BRME1: variants seen among roughly 807,000 people sequenced by gnomAD.
The protein encoded by BRME1 is break repair meiotic recombinase recruitment factor 1, also known as BRCA2 and MEILB2-associating protein 1.
In BRME1, 31 loss-of-function variants were observed where a neutral mutation model predicts 52.6. The ratio of observed to expected loss-of-function variants is 0.59; its 90% CI spans 0.44 to 0.80. The LOEUF (loss-of-function observed/expected upper bound fraction) is 0.80. BRME1 is among the 30% of genes least tolerant of loss of function. The probability of loss-of-function intolerance (pLI) is 0.00; values close to 1 mark genes in which losing one functional copy is unlikely to be tolerated. For missense variants in BRME1, 804 were observed against 860.3 expected, an observed-to-expected ratio of 0.93 and a Z score of 0.82; for synonymous variants, 359 against 353.6, an observed-to-expected ratio of 1.02 and a Z score of -0.17.
rs753230986 is a variant in BRME1 at position 13,889,214 on chromosome 19, A to G, written c.1642T>C (p.Ser548Pro). ...TGCTCAGGTGGGGCTTCGAAGTCAG[A>G]GGCGTCCAGGGCATCCTGTATCTGG... ...DSQIQDALDA[S>P]DFEAPPEQLF... The change falls in exon 6 of 9, where the codon TCT (serine) becomes CCT (proline). Residue 548 changes from serine to proline, a missense_variant. This residue lies in a region of BRME1 where 552 missense variants were observed against 561.1 expected (regional missense o/e 0.98). Transcript: ENST00000586783. The G allele has an allele frequency of 1.2e-6, 2 of 1,600,040 alleles. No homozygotes were observed. Among genetic ancestry groups the G allele is most frequent in the South Asian group, 2.2e-5 (2 of 89,392 alleles).
chr19:13,884,969 T>A (rs1222366557), intron 7 of BRME1: 2 of 152,174 alleles, frequency 1.3e-5, no homozygotes, highest in Non-Finnish European at 2.9e-5. Flanking sequence ...GGGAGCTGCA[T>A]TGGCCCTGGG....
At position 13,883,634 on chromosome 19, in the gene BRME1, C is replaced by T. The variant is rs991216085; in HGVS notation, c.1764-234G>A. ...TGCCCTCTCAGGACGCTGCTGCCACCGCCTCCCTATCTCCTGCCCCTGTGG... is the reference window on the plus strand; with the variant it reads ...TGCCCTCTCAGGACGCTGCTGCCACTGCCTCCCTATCTCCTGCCCCTGTGG... On this transcript the variant is annotated intron_variant, in intron 7 of 8. Coordinates refer to ENST00000586783, the MANE Select transcript of BRME1 (RefSeq NM_001345843.2). The surrounding 1 kb of genome is among the most constrained non-coding windows in gnomAD (Gnocchi z 4.2). 1.9e-5 allele frequency: 9 copies of T among 486,202 alleles called. No homozygotes were observed. Among genetic ancestry groups the T allele is most frequent in the Admixed American group, 7.0e-5 (2 of 28,668 alleles). The allele number at this position is 486,202 out of a possible 1,614,324, so 30.1% of individuals were successfully genotyped here.
intron 5 of BRME1, among the ~76,000 whole-genome samples, chr19:13,892,087 T>A (rs1379568033): frequency 7.6e-6 from 1 of 131,692 alleles, no homozygotes; most frequent in Non-Finnish European, 1.6e-5. Flanking sequence ...AAAAAAAAAA[T>A]TATTGTAGAG....
At position 13,883,606 on chromosome 19, in the gene BRME1, C is replaced by A. The variant is rs564092297; in HGVS notation, c.1764-206G>T. The stretch of plus-strand genomic sequence containing the variant: ...AACCCAACCGCTTCTCCCCTACCTG[C>A]CCTGCCCTCTCAGGACGCTGCTGCC... On this transcript the variant is annotated intron_variant, in intron 7 of 8. Transcript: ENST00000586783. The surrounding 1 kb of genome is among the most constrained non-coding windows in gnomAD (Gnocchi z 4.2). The A allele has an allele frequency of 2.6e-3, 1,422 of 538,788 alleles. 4 individuals carry two copies. Among genetic ancestry groups the A allele is most frequent in the Non-Finnish European group, 4.1e-3 (1,220 of 298,556 alleles). The allele number at this position is 538,788 out of a possible 1,614,324, so 33.4% of individuals were successfully genotyped here.
intron 7 of BRME1, among the ~76,000 whole-genome samples, chr19:13,885,699 G>C (rs1968961918): frequency 6.6e-6 from 1 of 152,254 alleles, no homozygotes. Flanking sequence ...CAGAGCCGGA[G>C]GCACTGTCCC....
At chr19:13,891,285 G>C (rs997398997) in intron 5 of BRME1, among the ~76,000 whole-genome samples, 1 of 151,644 alleles carries the variant, frequency 6.6e-6, no homozygotes, top group African/African-American at 2.4e-5. Flanking sequence ...GAGTAGCTGG[G>C]ATTACAGGCT....
Position 13,902,462 on chromosome 19 carries a change from C to T in BRME1, c.31+2400G>A, listed in dbSNP as rs1456632762. On this transcript the variant is annotated intron_variant, in intron 2 of 8. Transcript: ENST00000586783. ...CAGCCTGACCAACATGGAGAAACCC[C>T]ATCTCTACTAAAAATACAAAAAAAT... 4.7e-5 allele frequency among the ~76,000 whole-genome samples: 7 copies of T among 149,720 alleles called. No homozygotes were observed. In the East Asian group the frequency reaches 1.2e-3, roughly 26 times the overall value.
chr19:13,902,003 T>TG (rs1400363289), intron 2 of BRME1, among the ~76,000 whole-genome samples: 1 of 151,410 alleles, frequency 6.6e-6, no homozygotes. Context: ...ATTGTGCCAC[T>TG]GCTCTCCAGC....
At chr19:13,892,923 AAAGAT>A (rs757025578) in intron 4 of BRME1, 33 bp from the exon 5 acceptor site, 201 of 1,590,998 alleles carry the variant, frequency 1.3e-4, no homozygotes, top group Admixed American at 2.3e-4. Flanking sequence ...AAGCAGCAAT[AAAGAT>A]AAGAGAGGAA....
rs542482219 is a variant in BRME1 at position 13,883,059 on chromosome 19, C to T, written c.1857-107G>A. 5.8e-6 allele frequency: 8 copies of T among 1,388,280 alleles called. No homozygotes were observed. Among genetic ancestry groups the T allele is most frequent in the Admixed American group, 4.0e-5 (2 of 49,798 alleles). The allele number at this position is 1,388,280 out of a possible 1,614,324, so 86.0% of individuals were successfully genotyped here. A position where few individuals can be genotyped will look rare whatever the true frequency, so the allele number is the denominator to read the frequency against. ...CACCAATGACTCAGGTGCACACACA[C>T]GGCTCACACACGTGCACATAACCAG... On this transcript the variant is annotated intron_variant, in intron 8 of 8. Coordinates refer to ENST00000586783, the MANE Select transcript of BRME1 (RefSeq NM_001345843.2). The surrounding 1 kb of genome is among the most constrained non-coding windows in gnomAD (Gnocchi z 4.2).
chr19:13,883,185 G>T lies in BRME1; in HGVS notation c.1856+123C>A. The T allele has an allele frequency of 1.0e-6, 1 of 996,570 alleles. No individual in the cohort carries two copies. Among genetic ancestry groups the T allele is most frequent in the Non-Finnish European group, 1.5e-6 (1 of 677,884 alleles). 61.7% of individuals were successfully genotyped at this position (996,570 alleles called of 1,614,324 possible). ...GGGGGGCCACGGTGAGGACCCAGCA[G>T]CAGTGAGGTGCCTGACCCTCGCTGC... is the stretch of plus-strand genomic sequence containing the variant. On this transcript the variant is annotated intron_variant, in intron 8 of 8. Coordinates refer to ENST00000586783, the MANE Select transcript of BRME1 (RefSeq NM_001345843.2). The surrounding 1 kb of genome is among the most constrained non-coding windows in gnomAD (Gnocchi z 4.2).
In BRME1 at chr19:13,895,361, G is replaced by C. The variant is rs754264599; in HGVS notation, c.206+11C>G. The C allele has an allele frequency of 5.6e-6, 9 of 1,610,702 alleles. No homozygotes were observed. In the South Asian group the frequency reaches 9.9e-5, roughly 18 times the overall value. Reference sequence around the variant, plus strand: ...GTGGGGAGACCTGCCGGAATGTTCAGAGCCACCTACCTGGAGACGGCCTTT... The same window carrying C: ...GTGGGGAGACCTGCCGGAATGTTCACAGCCACCTACCTGGAGACGGCCTTT... On this transcript the variant is annotated intron_variant, in intron 3 of 8. Coordinates refer to ENST00000586783, the MANE Select transcript of BRME1 (RefSeq NM_001345843.2).
chr19:13,899,735 T>A (rs1363524528), intron 2 of BRME1, among the ~76,000 whole-genome samples: 1 of 152,160 alleles, frequency 6.6e-6, no homozygotes, highest in East Asian at 1.9e-4. Context: ...GTGCAGTGGC[T>A]CATGCCTGTA....
chr19:13,889,493 C>T lies in BRME1; in HGVS notation c.1363G>A (p.Ala455Thr). Reference protein sequence around the residue: ...CVNQKQEPGPAQEEAELGGQN... With the variant: ...CVNQKQEPGPTQEEAELGGQN... The stretch of plus-strand genomic sequence containing the variant: ...CCACCTAACTCGGCTTCCTCTTGAG[C>T]AGGACCTGGCTCCTGCTTCTGATTG... Residue 455 changes from alanine (A) to threonine (T), a missense_variant, in exon 6 of 9, where the codon GCT becomes ACT. This residue lies in a region of BRME1 where 552 missense variants were observed against 561.1 expected (regional missense o/e 0.98). Coordinates refer to ENST00000586783, the MANE Select transcript of BRME1 (RefSeq NM_001345843.2). 2 of 1,613,922 alleles carry T rather than the reference C, an allele frequency of 1.2e-6. No homozygotes were observed. The highest frequency in any genetic ancestry group is 1.1e-5 in the South Asian group (1 of 91,090).
In BRME1 at chr19:13,889,516, T is replaced by C. The variant is rs748456410; in HGVS notation, c.1340A>G (p.Asn447Ser). The change falls in exon 6 of 9, where the codon AAT (asparagine) becomes AGT (serine). Residue 447 changes from asparagine to serine, a missense_variant. Transcript: ENST00000586783. ...HASPDTGPCV[N>S]QKQEPGPAQE... The stretch of plus-strand genomic sequence containing the variant: ...AGCAGGACCTGGCTCCTGCTTCTGA[T>C]TGACACATGGACCTGTGTCCGGGGA... The C allele has an allele frequency of 1.1e-5, 18 of 1,613,806 alleles. No individual in the cohort carries two copies. The highest frequency in any genetic ancestry group is 4.5e-5 in the East Asian group (2 of 44,894).
chr19:13,890,521 T>C lies in BRME1; in HGVS notation c.394-59A>G, dbSNP rs970031865. The C allele has an allele frequency of 2.1e-6, 3 of 1,418,784 alleles. No homozygotes were observed. In the African/African-American group the frequency reaches 4.3e-5, roughly 21 times the overall value. The allele number at this position is 1,418,784 out of a possible 1,614,324, so 87.9% of individuals were successfully genotyped here. On this transcript the variant is annotated intron_variant, in intron 5 of 8. Coordinates refer to ENST00000586783, the MANE Select transcript of BRME1 (RefSeq NM_001345843.2). ...TTGATAACCAAGTTCTCCGAAGAGT[T>C]TTCTATTAGGTTGGTGTAAAAGTAA...
chr19:13,882,805 C>T lies in BRME1; in HGVS notation c.2004G>A (p.Leu668=). 1 of 1,613,802 alleles carries T rather than the reference C, an allele frequency of 6.2e-7. No individual in the cohort carries two copies. The highest frequency in any genetic ancestry group is 2.2e-5 in the East Asian group (1 of 44,872). The change falls in exon 9 of 9, where the codon TTG becomes TTA. Residue 668 remains leucine, a synonymous_variant. Coordinates refer to ENST00000586783, the MANE Select transcript of BRME1 (RefSeq NM_001345843.2). ...GAAACACAGACCTCAAAGTGGCCTA[C>T]AACTCCCTCCAGGGTGGGTCCCCTC... ...IPRGDPPWRE[L]
intron 2 of BRME1, among the ~76,000 whole-genome samples, chr19:13,901,924 C>T (rs1487037374): frequency 6.6e-6 from 1 of 151,568 alleles, no homozygotes; most frequent in Non-Finnish European, 1.5e-5. Context: ...CCTGTAGTCC[C>T]AGCTATTCCG....
In BRME1 at chr19:13,882,764, G is replaced by A. The variant is rs763239209; in HGVS notation, c.*38C>T. On this transcript the variant is annotated 3_prime_UTR_variant, in exon 9 of 9. Transcript: ENST00000586783. ...TCTTGGAGGAGGTCTGCGGACATGGGGGCTGGGTGGCAAAGGAAACACAGA... is the reference window on the plus strand; with the variant it reads ...TCTTGGAGGAGGTCTGCGGACATGGAGGCTGGGTGGCAAAGGAAACACAGA... 2 of 1,612,012 alleles carry A rather than the reference G, an allele frequency of 1.2e-6. No individual in the cohort carries two copies. Among genetic ancestry groups the A allele is most frequent in the African/African-American group, 1.3e-5 (1 of 74,876 alleles).
Sources: gnomAD v4.1 joint callset for allele counts (sites outside exome capture counted in the v4.1 genomes callset) on GRCh38, gnomAD v4.1.1 for gene constraint, gnomAD v4.1.1 regional missense constraint, Gnocchi (gnomAD v3.1) non-coding constraint, MANE v1.5 for transcripts, NCBI Gene and HGNC (gene_info 2026-07-23, HGNC 2026-07-21) for gene names.